The following DCT variants were observed in gnomAD, a reference collection of about 807,000 sequenced individuals.
DCT encodes the protein L-dopachrome tautomerase.
Under a neutral mutation model 53.0 loss-of-function variants are expected in DCT, and 47 were observed. That is an observed-to-expected ratio of 0.89 (90% CI 0.70 to 1.13). The LOEUF (loss-of-function observed/expected upper bound fraction) is 1.13. Among genes scored for constraint, DCT ranks in the 50% most tolerant of loss-of-function variants. The probability of loss-of-function intolerance (pLI) is 0.00; values close to 1 mark genes in which losing one functional copy is unlikely to be tolerated. For synonymous variants in DCT, 244 were observed against 237.0 expected, an observed-to-expected ratio of 1.03 and a Z score of -0.27; for missense variants, 669 against 637.4, an observed-to-expected ratio of 1.05 and a Z score of -0.53.
intron 1 of DCT, among the ~76,000 whole-genome samples, chr13:94,477,366 G>C (rs1003354394): frequency 1.3e-5 from 2 of 152,044 alleles, no homozygotes; most frequent in African/African-American, 4.8e-5. Context: ...CAAAGTGCTG[G>C]GATTACAGGC....
At chr13:94,454,007 T>C (rs1883260764) in intron 6 of DCT, among the ~76,000 whole-genome samples, 1 of 152,212 alleles carries the variant, frequency 6.6e-6, no homozygotes, top group African/African-American at 2.4e-5. Context: ...TTTCACTAAC[T>C]TTGTTGTAGC....
At chr13:94,498,165 A>T in the DCT span, among the ~76,000 whole-genome samples, 1 of 152,208 alleles carries the variant, frequency 6.6e-6, no homozygotes, top group African/African-American at 2.4e-5. Flanking sequence ...GCATGTGGAT[A>T]AAATATGTGA....
At chr13:94,511,294 A>ACAAACTG in the DCT span, among the ~76,000 whole-genome samples, 1 of 151,176 alleles carries the variant, frequency 6.6e-6, no homozygotes, top group Non-Finnish European at 1.5e-5. Context: ...GGATCTTTGC[A>ACAAACTG]CAAACTGCTC....
chr13:94,477,276 A>G (rs1885151309), intron 1 of DCT, among the ~76,000 whole-genome samples: 1 of 152,084 alleles, frequency 6.6e-6, no homozygotes, highest in African/African-American at 2.4e-5. Context: ...TTGTATTTTT[A>G]GTAGAGACAA....
At chr13:94,475,840 T>C (rs907453455) in intron 1 of DCT, among the ~76,000 whole-genome samples, 4 of 152,230 alleles carry the variant, frequency 2.6e-5, no homozygotes, top group Non-Finnish European at 1.5e-5. Flanking sequence ...GTGTAACAAT[T>C]ATGCCTCAAT....
At chr13:94,442,995 A>G (rs948562408) in intron 7 of DCT, among the ~76,000 whole-genome samples, 3 of 152,170 alleles carry the variant, frequency 2.0e-5, no homozygotes, top group Admixed American at 1.3e-4. Flanking sequence ...CAAATGTTGT[A>G]CTTTCCTCAC....
Position 94,437,021 on chromosome 13 carries a change from T to C in DCT, c.*2877A>G, listed in dbSNP as rs867092973. ...CAGTCACTTGAAGCAGCCACCTGCT[T>C]CCACCCCAGGATTAGTCACTAAACT... On this transcript the variant is annotated 3_prime_UTR_variant, in exon 8 of 8. Coordinates refer to ENST00000377028, the MANE Select transcript of DCT (RefSeq NM_001922.5). 7.0e-6 allele frequency: 1 copy of C among 143,760 alleles called. No individual in the cohort carries two copies. The highest frequency in any genetic ancestry group is 1.5e-5 in the Non-Finnish European group (1 of 65,816). 8.9% of individuals were successfully genotyped at this position (143,760 alleles called of 1,614,324 possible).
chr13:94,477,730 AT>A (rs1259387568), intron 1 of DCT, among the ~76,000 whole-genome samples: 1 of 152,186 alleles, frequency 6.6e-6, no homozygotes, highest in Non-Finnish European at 1.5e-5. Context: ...AGTAATACCT[AT>A]TCAACCCCTT....
the DCT span, among the ~76,000 whole-genome samples, chr13:94,516,302 A>G: frequency 1.3e-5 from 2 of 152,128 alleles, no homozygotes; most frequent in Non-Finnish European, 2.9e-5. Flanking sequence ...AGGAGGAAAG[A>G]TACAAATCAG....
chr13:94,530,452 G>A, the DCT span, among the ~76,000 whole-genome samples: 7 of 152,074 alleles, frequency 4.6e-5, no homozygotes, highest in Admixed American at 6.5e-5. Context: ...CAATCAAGTC[G>A]GCTTCATTCC....
chr13:94,476,270 C>T (rs530996194), intron 1 of DCT, among the ~76,000 whole-genome samples: 1 of 137,586 alleles, frequency 7.3e-6, no homozygotes, highest in South Asian at 2.4e-4. Flanking sequence ...TAAACATTTC[C>T]TTACCAAAGG....
chr13:94,533,711 G>A, the DCT span, among the ~76,000 whole-genome samples: 1 of 152,190 alleles, frequency 6.6e-6, no homozygotes, highest in South Asian at 2.1e-4. Flanking sequence ...CTTGAACCCA[G>A]GAGTTGGAGG....
intron 1 of DCT, among the ~76,000 whole-genome samples, chr13:94,476,280 G>A (rs894649156): frequency 2.0e-5 from 3 of 146,686 alleles, no homozygotes; most frequent in Non-Finnish European, 3.0e-5. Flanking sequence ...CTTACCAAAG[G>A]GAAATAGCAA....
intron 2 of DCT, chr13:94,467,732 A>G (rs994065291): frequency 5.3e-5 from 8 of 152,248 alleles, no homozygotes; most frequent in African/African-American, 1.2e-4. Context: ...GAGGGTATCA[A>G]TTGAAGGGGA....
the DCT span, among the ~76,000 whole-genome samples, chr13:94,531,689 T>C: frequency 6.6e-6 from 1 of 152,142 alleles, no homozygotes; most frequent in Non-Finnish European, 1.5e-5. Flanking sequence ...ACAAAAACCC[T>C]AGAAGAAAAC....
intron 6 of DCT, among the ~76,000 whole-genome samples, chr13:94,454,954 T>G (rs1883313953): frequency 6.6e-6 from 1 of 152,296 alleles, no homozygotes; most frequent in Non-Finnish European, 1.5e-5. Context: ...AAAATAAAAT[T>G]TTAACATTAA....
At chr13:94,464,307 G>A (rs545801172) in intron 4 of DCT, among the ~76,000 whole-genome samples, 3 of 152,340 alleles carry the variant, frequency 2.0e-5, no homozygotes, top group African/African-American at 7.2e-5. Context: ...AGCAGTCTAA[G>A]GACCTGGGAC....
the DCT span, among the ~76,000 whole-genome samples, chr13:94,502,653 G>A: frequency 6.6e-6 from 1 of 151,866 alleles, no homozygotes; most frequent in Admixed American, 6.6e-5. Flanking sequence ...TCCTTTCTTG[G>A]TTCACCCCTT....
chr13:94,461,759 T>C (rs1485375549), intron 5 of DCT, among the ~76,000 whole-genome samples: 1 of 152,182 alleles, frequency 6.6e-6, no homozygotes, highest in Non-Finnish European at 1.5e-5. Context: ...ATTAATGTAC[T>C]GCAATTAGAA....
Sources: gnomAD v4.1 joint callset for allele counts (sites outside exome capture counted in the v4.1 genomes callset) on GRCh38, gnomAD v4.1.1 for gene constraint, MANE v1.5 for transcripts, NCBI Gene and HGNC (gene_info 2026-07-23, HGNC 2026-07-21) for gene names.